Variants in MSRB1 observed in about 807,000 individuals in gnomAD.
MSRB1 encodes the protein methionine-R-sulfoxide reductase B1.
MSRB1 carries 13 observed loss-of-function variants against 15.2 expected under a neutral mutation model. The observed-to-expected ratio is 0.86, with a 90% CI of 0.56 to 1.36. MSRB1 has a LOEUF of 1.36. Among genes scored for constraint, MSRB1 ranks in the 40% most tolerant of loss-of-function variants. MSRB1 has a pLI of 0.00. For missense variants in MSRB1, 174 were observed against 155.9 expected, an observed-to-expected ratio of 1.12 and a Z score of -0.62; for synonymous variants, 68 against 64.5, an observed-to-expected ratio of 1.05 and a Z score of -0.26.
chr16:1,939,098 T>C lies in MSRB1; in HGVS notation c.*14A>G. On this transcript the variant is annotated 3_prime_UTR_variant, in exon 4 of 4. Coordinates refer to ENST00000361871, the MANE Select transcript of MSRB1 (RefSeq NM_016332.4). ...CAGTGTGGTGGCCGTCTGGGGTGGG[T>C]GTGGGCTGCCCGCCTAGTGACCCTG... 1.2e-6 allele frequency: 2 copies of C among 1,611,972 alleles called. No homozygotes were observed. The highest frequency in any genetic ancestry group is 1.7e-6 in the Non-Finnish European group (2 of 1,179,388).
At position 1,943,113 on chromosome 16, in the gene MSRB1, T is replaced by A. The variant is rs1431837631; in HGVS notation, c.44A>T (p.His15Leu). The A allele has an allele frequency of 1.6e-5, 25 of 1,560,274 alleles. No homozygotes were observed. Among genetic ancestry groups the A allele is most frequent in the Non-Finnish European group, 2.1e-5 (24 of 1,152,382 alleles). ...SFFGGEVFQN[H>L]FEPGVYVCAK... Reference sequence around the variant, plus strand: ...GCCGCAGGACCAACCAGGTTCAAAGTGATTCTGGAAAACCTCGCCCCCGAA... The same window carrying A: ...GCCGCAGGACCAACCAGGTTCAAAGAGATTCTGGAAAACCTCGCCCCCGAA... Residue 15 changes from histidine (H) to leucine (L), a missense_variant, in exon 1 of 4, where the codon CAC becomes CTC. Transcript: ENST00000361871.
Position 1,941,409 on chromosome 16 carries a change from T to C in MSRB1, c.56-4A>G. 2 of 1,608,218 alleles carry C rather than the reference T, an allele frequency of 1.2e-6. No individual in the cohort carries two copies. The highest frequency in any genetic ancestry group is 1.7e-6 in the Non-Finnish European group (2 of 1,177,056). ...CACTTGGCACACACGTAAACGCCTGTGGTGGAAGGAGAGGCAAATGTGGAG... is the reference window on the plus strand; with the variant it reads ...CACTTGGCACACACGTAAACGCCTGCGGTGGAAGGAGAGGCAAATGTGGAG... On this transcript the variant is annotated splice_region_variant and splice_polypyrimidine_tract_variant and intron_variant, in intron 1 of 3. Coordinates refer to ENST00000361871, the MANE Select transcript of MSRB1 (RefSeq NM_016332.4).
At chr16:1,939,804 AT>A (rs1423153819) in intron 3 of MSRB1, among the ~76,000 whole-genome samples, 8 of 151,706 alleles carry the variant, frequency 5.3e-5, no homozygotes, top group African/African-American at 1.9e-4. Flanking sequence ...AAAATCAAAA[AT>A]TAGCCAGGCG....
At chr16:1,940,705 C>T (rs1382797871) in intron 3 of MSRB1, 73 bp downstream of exon 3, 23 of 1,521,798 alleles carry the variant, frequency 1.5e-5, no homozygotes, top group Non-Finnish European at 2.0e-5. Flanking sequence ...AGTGGACAAG[C>T]ACAAACACTG....
intron 3 of MSRB1, among the ~76,000 whole-genome samples, chr16:1,939,963 A>T (rs1461306875): frequency 1.3e-5 from 2 of 151,768 alleles, no homozygotes. Flanking sequence ...CAAAAAAAAA[A>T]AAAAAATTAA....
rs372304333 is a variant in MSRB1 at position 1,943,144 on chromosome 16, T to A, written c.13A>T (p.Ser5Cys). The A allele has an allele frequency of 1.3e-6, 2 of 1,561,742 alleles. No homozygotes were observed. Among genetic ancestry groups the A allele is most frequent in the African/African-American group, 2.7e-5 (2 of 73,328 alleles). ...TGGAAAACCTCGCCCCCGAAGAAGC[T>A]GCAGAACGACATGGCGCCACCGGAA... MSFC[S>C]FFGGEVFQNH... The change falls in exon 1 of 4, where the codon AGC becomes TGC. Residue 5 changes from serine to cysteine, a missense_variant. Ser to Cys is a moderately radical substitution (Grantham distance 112). Coordinates refer to ENST00000361871, the MANE Select transcript of MSRB1 (RefSeq NM_016332.4).
In MSRB1 at chr16:1,943,101, C is replaced by G; in HGVS notation, c.55+1G>C. 6.4e-7 allele frequency: 1 copy of G among 1,557,976 alleles called. No homozygotes were observed. The highest frequency in any genetic ancestry group is 8.7e-7 in the Non-Finnish European group (1 of 1,151,038). On this transcript the variant is annotated splice_donor_variant, in intron 1 of 3. Transcript: ENST00000361871. LOFTEE classifies it high-confidence loss of function. ...TCCCAGCGAGAGGCCGCAGGACCAA[C>G]CAGGTTCAAAGTGATTCTGGAAAAC...
chr16:1,939,207 G>A lies in MSRB1; in HGVS notation c.320-64C>T, dbSNP rs924585994. 15 of 1,538,676 alleles carry A rather than the reference G, an allele frequency of 9.7e-6. No homozygotes were observed. The South Asian group carries it at 1.1e-4, about 11-fold the overall frequency. ...AGAAAGCAAGCAGGGGCGGAAAGCC[G>A]GGCGCGGGGGCGGTGGAAAGCCAGG... On this transcript the variant is annotated intron_variant, in intron 3 of 3. Coordinates refer to ENST00000361871, the MANE Select transcript of MSRB1 (RefSeq NM_016332.4).
chr16:1,939,399 G>A (rs917290582), intron 3 of MSRB1, among the ~76,000 whole-genome samples: 1 of 152,144 alleles, frequency 6.6e-6, no homozygotes, highest in Non-Finnish European at 1.5e-5. Flanking sequence ...GGAGAACCCA[G>A]AATCTCTTCT....
rs562555243 is a variant in MSRB1 at position 1,938,876 on chromosome 16, G to A, written c.*236C>T. 200 of 609,130 alleles carry A rather than the reference G, an allele frequency of 3.3e-4. 5 individuals are homozygous for A. In the South Asian group the frequency reaches 3.8e-3, roughly 12 times the overall value. 37.7% of individuals were successfully genotyped at this position (609,130 alleles called of 1,614,324 possible). On this transcript the variant is annotated 3_prime_UTR_variant, in exon 4 of 4. Coordinates refer to ENST00000361871, the MANE Select transcript of MSRB1 (RefSeq NM_016332.4). ...GAGCAGGGGGCTAAGTCAGCCGACA[G>A]TGTGGCTGCACAGCCCAGGCCTGTC...
chr16:1,939,175 C>T (rs755688961), intron 3 of MSRB1, 32 bp from the exon 4 acceptor site: 15 of 1,584,494 alleles, frequency 9.5e-6, no homozygotes, highest in African/African-American at 4.1e-5. Context: ...GGAAAGTATG[C>T]GGGGACAGAA....
In MSRB1 at chr16:1,939,044, T is replaced by C; in HGVS notation, c.*68A>G. The C allele has an allele frequency of 6.3e-7, 1 of 1,590,844 alleles. No individual in the cohort carries two copies. The highest frequency in any genetic ancestry group is 8.6e-7 in the Non-Finnish European group (1 of 1,162,388). On this transcript the variant is annotated 3_prime_UTR_variant, in exon 4 of 4. Transcript: ENST00000361871. The stretch of plus-strand genomic sequence containing the variant: ...CTGTCTCGACGCCCAGGGTTCCAAC[T>C]CCAAGGTGGAATGGCCAACGTGTGG...
At chr16:1,940,959 T>C (rs1335866990) in intron 2 of MSRB1, 67 bp from the exon 3 acceptor site, 2 of 1,606,116 alleles carry the variant, frequency 1.2e-6, no homozygotes, top group East Asian at 2.2e-5. Context: ...AGGCCCTTAC[T>C]GGGGCTGGCA....
At position 1,940,851 on chromosome 16, in the gene MSRB1, G is replaced by A; in HGVS notation, c.246C>T (p.Phe82=). Residue 82 remains phenylalanine, a synonymous_variant, in exon 3 of 4, where the codon TTC becomes TTT. Transcript: ENST00000361871. ...GCCCCGGCTTGGGGCCGTCGTTCAG[G>A]AACTCGTGGCCCAACCCATTGCCAC... The part of the protein sequence containing the change: ...GKCGNGLGHE[F]LNDGPKPGQS... 1 of 1,614,166 alleles carries A rather than the reference G, an allele frequency of 6.2e-7. No individual in the cohort carries two copies. The highest frequency in any genetic ancestry group is 1.1e-5 in the South Asian group (1 of 91,084).
chr16:1,941,120 C>T lies in MSRB1; in HGVS notation c.204+137G>A, dbSNP rs200840284. 2,685 of 1,551,882 alleles carry T rather than the reference C, an allele frequency of 1.7e-3. 6 individuals carry two copies. The highest frequency in any genetic ancestry group is 2.2e-3 in the Non-Finnish European group (2,520 of 1,147,626). The stretch of plus-strand genomic sequence containing the variant: ...TCCCGATAGCCTGGGGTGGCAGCTC[C>T]CTGGCAGAGGCAACAGGCCTGGAAT... On this transcript the variant is annotated intron_variant, in intron 2 of 3. Transcript: ENST00000361871.
chr16:1,940,468 G>T (rs2150856530), intron 3 of MSRB1, among the ~76,000 whole-genome samples: 1 of 152,326 alleles, frequency 6.6e-6, no homozygotes, highest in African/African-American at 2.4e-5. Flanking sequence ...GGGGCCTCAG[G>T]CTCTGCCTGC....
At position 1,941,304 on chromosome 16, in the gene MSRB1, C is replaced by G; in HGVS notation, c.157G>C (p.Asp53His). ...WPAFTETIHA[D>H]SVAKRPEHNR... ...TGCTCCGGACGCTTGGCCACGCTGT[C>G]GGCGTGAATGGTCTCGGTGAACGCC... The change falls in exon 2 of 4, where the codon GAC becomes CAC. Residue 53 changes from aspartate to histidine, a missense_variant. Asp to His is a moderately conservative substitution (Grantham distance 81). Transcript: ENST00000361871. 1 of 1,613,582 alleles carries G rather than the reference C, an allele frequency of 6.2e-7. No homozygotes were observed. The highest frequency in any genetic ancestry group is 1.1e-5 in the South Asian group (1 of 91,060).
chr16:1,940,315 T>TACAA (rs2083068066), intron 3 of MSRB1, among the ~76,000 whole-genome samples: 1 of 150,238 alleles, frequency 6.7e-6, no homozygotes, highest in South Asian at 2.1e-4. Context: ...GCTATTATTG[T>TACAA]GTGCCAGGCC....
chr16:1,940,948 A>G, intron 2 of MSRB1, 56 bp from the exon 3 acceptor site: 1 of 1,611,216 alleles, frequency 6.2e-7, no homozygotes, highest in Non-Finnish European at 8.5e-7. Flanking sequence ...AGCCACAGTG[A>G]AGGCCCTTAC....
Sources: allele counts gnomAD v4.1 joint callset (sites outside exome capture counted in the v4.1 genomes callset), GRCh38; gene constraint gnomAD v4.1.1; transcripts MANE v1.5; gene names NCBI Gene and HGNC (gene_info 2026-07-23, HGNC 2026-07-21).